Variants in LRP1B observed in about 807,000 individuals in gnomAD.
LRP1B encodes the protein LDL receptor related protein 1B.
Under a neutral mutation model 556.6 loss-of-function variants are expected in LRP1B, and 217 were observed. That is an observed-to-expected ratio of 0.39 (90% confidence interval 0.35 to 0.44). The LOEUF (loss-of-function observed/expected upper bound fraction) is 0.44. Among genes scored for constraint, LRP1B ranks in the 20% least tolerant of loss-of-function variants. LRP1B has a pLI of 1.00. For missense variants in LRP1B, 5,053 were observed against 5,620.8 expected (o/e 0.90, Z 3.23); for synonymous variants, 2,047 against 1,865.8 (o/e 1.10, Z -2.50).
intron 86 of LRP1B, among the ~76,000 whole-genome samples, chr2:140,263,762 A>G (rs1333848067): frequency 6.6e-6 from 1 of 151,238 alleles, no homozygotes; most frequent in Non-Finnish European, 1.5e-5. Flanking sequence ...AAATAACGTT[A>G]ACATCCATGT....
chr2:141,110,720 T>C lies in LRP1B; in HGVS notation c.1014-48447A>G, dbSNP rs1700730246. Among the ~76,000 whole-genome samples the C allele has an allele frequency of 3.9e-5, 6 of 152,100 alleles. No individual in the cohort carries two copies. In the South Asian group the frequency reaches 6.2e-4, roughly 16 times the overall value. On this transcript the variant is annotated intron_variant, in intron 7 of 90. Coordinates refer to ENST00000389484, the MANE Select transcript of LRP1B (RefSeq NM_018557.3). ...ACTACCCTAGAGAGGGAATGTACGA[T>C]AGTTTCACTTTTGATTTCCTTTCTG...
chr2:141,397,422 A>T (rs1690280827), intron 3 of LRP1B, among the ~76,000 whole-genome samples: 1 of 151,890 alleles, frequency 6.6e-6, no homozygotes, highest in African/African-American at 2.4e-5. Flanking sequence ...AAAAATTACA[A>T]TGCACAACTC....
At chr2:140,368,809 A>C (rs1682869606) in intron 71 of LRP1B, among the ~76,000 whole-genome samples, 2 of 151,796 alleles carry the variant, frequency 1.3e-5, no homozygotes, top group Admixed American at 1.3e-4. Context: ...CCTTTACCCA[A>C]TACCTACGCC....
intron 6 of LRP1B, among the ~76,000 whole-genome samples, chr2:141,227,744 A>G (rs1683301008): frequency 6.6e-6 from 1 of 152,178 alleles, no homozygotes. Context: ...GACTCATTTA[A>G]TCTAATTACA....
chr2:141,696,882 A>G (rs1033339285), intron 2 of LRP1B, among the ~76,000 whole-genome samples: 17 of 152,092 alleles, frequency 1.1e-4, no homozygotes, highest in African/African-American at 4.1e-4. Flanking sequence ...GCAATGAGCA[A>G]TAGTCAAAAG....
intron 2 of LRP1B, among the ~76,000 whole-genome samples, chr2:141,739,680 G>GTT (rs530110334): frequency 0.17 from 23,903 of 143,026 alleles, 2,287 homozygotes; most frequent in African/African-American, 0.27. Flanking sequence ...TCTACTGGTT[G>GTT]TTTTTTTTTT....
intron 72 of LRP1B, among the ~76,000 whole-genome samples, chr2:140,362,544 A>G (rs1305740533): frequency 1.3e-5 from 2 of 151,700 alleles, no homozygotes; most frequent in Non-Finnish European, 2.9e-5. Flanking sequence ...TAAATCCAGG[A>G]GTGCCTGTAG....
intron 2 of LRP1B, among the ~76,000 whole-genome samples, chr2:141,769,213 C>T (rs528435884): frequency 7.2e-5 from 11 of 152,156 alleles, no homozygotes; most frequent in African/African-American, 2.6e-4. Context: ...AAAATATAAA[C>T]AGAGTGGGTG....
At chr2:141,357,705 A>G (rs1688677150) in intron 3 of LRP1B, among the ~76,000 whole-genome samples, 1 of 152,220 alleles carries the variant, frequency 6.6e-6, no homozygotes, top group Non-Finnish European at 1.5e-5. Context: ...ATGAATGAGT[A>G]AACTGCTAAG....
At chr2:141,436,579 T>TCTTGGGGAAAGGTTATGCTAA (rs6146941) in intron 3 of LRP1B, among the ~76,000 whole-genome samples, 1 of 152,176 alleles carries the variant, frequency 6.6e-6, no homozygotes, top group East Asian at 1.9e-4. Context: ...ATTACTGTTT[T>TCTTGGGGAAAGGTTATGCTAA]CTCTCTTCTG....
At chr2:141,805,674 T>C (rs896865164) in intron 2 of LRP1B, 2 of 152,166 alleles carry the variant, frequency 1.3e-5, no homozygotes, top group Non-Finnish European at 2.9e-5. Flanking sequence ...TGGCCAAATC[T>C]GACCTGTGGC....
chr2:141,417,674 A>T (rs1334208500), intron 3 of LRP1B, among the ~76,000 whole-genome samples: 1 of 151,890 alleles, frequency 6.6e-6, no homozygotes, highest in Admixed American at 6.6e-5. Flanking sequence ...TGAACATGGG[A>T]GTGCAAATAT....
chr2:141,398,700 C>T (rs1690336530), intron 3 of LRP1B, among the ~76,000 whole-genome samples: 1 of 152,176 alleles, frequency 6.6e-6, no homozygotes, highest in African/African-American at 2.4e-5. Context: ...GGTTTCTTAA[C>T]TGCCATAATG....
At chr2:142,100,413 C>T (rs1272431093) in intron 1 of LRP1B, among the ~76,000 whole-genome samples, 2 of 152,082 alleles carry the variant, frequency 1.3e-5, no homozygotes, top group East Asian at 3.9e-4. Flanking sequence ...GAAGTGAATA[C>T]CAGCTTTTAG....
chr2:141,676,797 A>G (rs186306536), intron 2 of LRP1B, among the ~76,000 whole-genome samples: 1 of 152,180 alleles, frequency 6.6e-6, no homozygotes, highest in East Asian at 1.9e-4. Flanking sequence ...ATTTCTCTTT[A>G]ATTCTGTACC....
chr2:141,566,194 T>G (rs16846506), intron 2 of LRP1B, among the ~76,000 whole-genome samples: 56,093 of 150,190 alleles, frequency 0.37, 10,749 homozygotes, highest in East Asian at 0.55. Context: ...AGGTGATCCC[T>G]CCAATATCCT....
chr2:140,346,687 G>T (rs1450850854), intron 77 of LRP1B, among the ~76,000 whole-genome samples: 2 of 151,834 alleles, frequency 1.3e-5, no homozygotes, highest in East Asian at 3.9e-4. Context: ...AAGTGCATAT[G>T]CACACCTATG....
At chr2:141,503,381 C>T (rs1683801984) in intron 2 of LRP1B, among the ~76,000 whole-genome samples, 1 of 151,294 alleles carries the variant, frequency 6.6e-6, no homozygotes, top group Non-Finnish European at 1.5e-5. Context: ...TTCTGATATT[C>T]CACTTATTTC....
intron 66 of LRP1B, among the ~76,000 whole-genome samples, chr2:140,402,504 A>G (rs1684549982): frequency 6.6e-6 from 1 of 152,194 alleles, no homozygotes; most frequent in Admixed American, 6.5e-5. Flanking sequence ...GGCTTGCATG[A>G]GAGGCAGACT....
Sources: gnomAD v4.1 joint callset for allele counts (sites outside exome capture counted in the v4.1 genomes callset) on GRCh38, gnomAD v4.1.1 for gene constraint, MANE v1.5 for transcripts, NCBI Gene and HGNC (gene_info 2026-07-23, HGNC 2026-07-21) for gene names.